The following ANKRD12 variants were observed in gnomAD, a reference collection of about 807,000 sequenced individuals.
ANKRD12 encodes ankyrin repeat domain 12, also known as ankyrin repeat domain-containing protein 12.
Under a neutral mutation model 183.4 loss-of-function variants are expected in ANKRD12, and 85 were observed. The observed-to-expected ratio is 0.46, with a 90% CI of 0.39 to 0.56. ANKRD12 has a LOEUF of 0.56. ANKRD12 is among the 20% of genes least tolerant of loss of function. The probability of loss-of-function intolerance (pLI) is 0.00; values close to 1 mark genes in which losing one functional copy is unlikely to be tolerated. For synonymous variants in ANKRD12, 914 were observed against 800.2 expected, an observed-to-expected ratio of 1.14 and a Z score of -2.40; for missense variants, 2,405 against 2,357.1, an observed-to-expected ratio of 1.02 and a Z score of -0.42.
chr18:9,267,766 A>C (rs1567998030), intron 10 of ANKRD12, among the ~76,000 whole-genome samples: 1 of 152,212 alleles, frequency 6.6e-6, no homozygotes, highest in African/African-American at 2.4e-5. Context: ...AGAAATAACT[A>C]AGATCAGAGC....
intron 6 of ANKRD12, 85 bp downstream of exon 6, chr18:9,211,869 C>T: frequency 8.3e-7 from 1 of 1,207,390 alleles, no homozygotes; most frequent in Non-Finnish European, 1.2e-6. Flanking sequence ...TTCTTTTATT[C>T]ATTTTGCTGA....
At chr18:9,139,627 G>C (rs1029672380) in intron 1 of ANKRD12, among the ~76,000 whole-genome samples, 1 of 152,162 alleles carries the variant, frequency 6.6e-6, no homozygotes, top group Non-Finnish European at 1.5e-5. Flanking sequence ...ACTTAGTTAT[G>C]TTAAAGTAAC....
chr18:9,215,084 A>G (rs1280438966), intron 6 of ANKRD12, among the ~76,000 whole-genome samples: 1 of 152,182 alleles, frequency 6.6e-6, no homozygotes, highest in African/African-American at 2.4e-5. Context: ...ATAGGCAGCA[A>G]ATAAATTCCC....
chr18:9,239,933 A>G (rs992774106), intron 8 of ANKRD12, among the ~76,000 whole-genome samples: 17 of 152,230 alleles, frequency 1.1e-4, no homozygotes, highest in African/African-American at 4.1e-4. Flanking sequence ...TGCTACTCAG[A>G]GTAGCCTTTC....
chr18:9,227,951 C>T (rs1162512352), intron 8 of ANKRD12, among the ~76,000 whole-genome samples: 4 of 152,124 alleles, frequency 2.6e-5, no homozygotes, highest in Admixed American at 2.6e-4. Flanking sequence ...CCCCACTCTC[C>T]CCCACCAATC....
At chr18:9,174,818 G>A (rs1391812703) in intron 1 of ANKRD12, among the ~76,000 whole-genome samples, 4 of 148,340 alleles carry the variant, frequency 2.7e-5, no homozygotes, top group African/African-American at 4.9e-5. Context: ...CCCCCTTCTT[G>A]TCTTACAGGT....
In ANKRD12 at chr18:9,195,617, A is replaced by T; in HGVS notation, c.154A>T (p.Met52Leu). 4 of 1,613,124 alleles carry T rather than the reference A, an allele frequency of 2.5e-6. No individual in the cohort carries two copies. Among genetic ancestry groups the T allele is most frequent in the Non-Finnish European group, 3.4e-6 (4 of 1,179,536 alleles). Residue 52 changes from methionine (M) to leucine (L), a missense_variant, in exon 3 of 13, where the codon ATG becomes TTG. Transcript: ENST00000262126. ...TGAACGAAGTGATGTGAGCAAGGAG[A>T]TGAAAGAGAAATCATCCATGAAACG... The part of the protein sequence containing the change: ...KIERSDVSKE[M>L]KEKSSMKRKL...
intron 1 of ANKRD12, among the ~76,000 whole-genome samples, chr18:9,176,276 A>T (rs1350445665): frequency 1.3e-5 from 2 of 149,136 alleles, no homozygotes; most frequent in Non-Finnish European, 3.0e-5. Context: ...ACACTGTTCT[A>T]TTTTTTTTTT....
At chr18:9,193,330 A>G (rs1156647816) in intron 2 of ANKRD12, among the ~76,000 whole-genome samples, 1 of 151,690 alleles carries the variant, frequency 6.6e-6, no homozygotes, top group Non-Finnish European at 1.5e-5. Flanking sequence ...TACAGAAACA[A>G]GGTCAGGGTC....
rs1321895928 is a variant in ANKRD12, at chr18:9,281,112, T to C, written c.6175T>C (p.Leu2059=). The C allele has an allele frequency of 1.2e-6, 2 of 1,613,990 alleles. No homozygotes were observed. The highest frequency in any genetic ancestry group is 2.2e-5 in the South Asian group (2 of 91,062). The change falls in exon 13 of 13, where the codon TTG becomes CTG. Residue 2059 remains leucine (L), a synonymous_variant. Coordinates refer to ENST00000262126, the MANE Select transcript of ANKRD12 (RefSeq NM_015208.5). ...PLVDVNDDFE[L]TPI Reference sequence around the variant, plus strand: ...TGTTGATGTTAACGACGACTTTGAATTGACTCCTATATAGCAGTCAGTACT... The same window carrying C: ...TGTTGATGTTAACGACGACTTTGAACTGACTCCTATATAGCAGTCAGTACT...
At chr18:9,160,609 C>T (rs2031272577) in intron 1 of ANKRD12, among the ~76,000 whole-genome samples, 1 of 152,192 alleles carries the variant, frequency 6.6e-6, no homozygotes, top group African/African-American at 2.4e-5. Context: ...TTTTATCACT[C>T]TACTCAGATA....
At position 9,256,661 on chromosome 18, in the gene ANKRD12, G is replaced by A. The variant is rs1320850785; in HGVS notation, c.3394G>A (p.Glu1132Lys). ...DKEKTKHTPT[E>K]SKNKELTRSK... is the part of the protein sequence containing the mutation. ...AGAAAAAACAAAGCATACACCAACT[G>A]AATCCAAAAATAAAGAACTTACTAG... The change falls in exon 9 of 13, where the codon GAA becomes AAA. Residue 1132 changes from glutamate to lysine, a missense_variant. By Grantham distance (56) the Glu-to-Lys change is moderately conservative. Coordinates refer to ENST00000262126, the MANE Select transcript of ANKRD12 (RefSeq NM_015208.5). 6.2e-7 allele frequency: 1 copy of A among 1,607,018 alleles called. No individual in the cohort carries two copies. Among genetic ancestry groups the A allele is most frequent in the Admixed American group, 1.7e-5 (1 of 58,308 alleles).
intron 4 of ANKRD12, 67 bp from the exon 5 acceptor site, chr18:9,208,590 C>G: frequency 1.4e-6 from 2 of 1,421,480 alleles, no homozygotes; most frequent in Non-Finnish European, 1.9e-6. Flanking sequence ...TCAAAAAATT[C>G]ATCTTAAACT....
intron 1 of ANKRD12, among the ~76,000 whole-genome samples, chr18:9,143,449 A>G (rs2078388429): frequency 6.6e-6 from 1 of 152,032 alleles, no homozygotes. Context: ...TCAGGAGTGA[A>G]GAGCATTCTT....
chr18:9,155,239 T>G (rs2030229905), intron 1 of ANKRD12, among the ~76,000 whole-genome samples: 1 of 152,190 alleles, frequency 6.6e-6, no homozygotes, highest in Admixed American at 6.5e-5. Context: ...GTGACTATAG[T>G]CAAAAATAAT....
chr18:9,161,840 G>A (rs1489572414), intron 1 of ANKRD12, among the ~76,000 whole-genome samples: 1 of 151,650 alleles, frequency 6.6e-6, no homozygotes, highest in Non-Finnish European at 1.5e-5. Context: ...GTTGCAGTGA[G>A]AACATTTACC....
intron 8 of ANKRD12, among the ~76,000 whole-genome samples, chr18:9,249,441 TGTG>T (rs1414671775): frequency 1.3e-5 from 2 of 152,232 alleles, no homozygotes; most frequent in Non-Finnish European, 2.9e-5. Context: ...TTGGGGATAT[TGTG>T]GTAAAAATAC....
chr18:9,279,675 A>T, intron 12 of ANKRD12, 31 bp downstream of exon 12: 1 of 1,252,622 alleles, frequency 8.0e-7, no homozygotes, highest in Non-Finnish European at 1.1e-6. Flanking sequence ...GTTTAAATGA[A>T]TGCTTCCCCC....
At chr18:9,183,001 A>G (rs760827436) in intron 2 of ANKRD12, among the ~76,000 whole-genome samples, 1 of 152,058 alleles carries the variant, frequency 6.6e-6, no homozygotes, top group Non-Finnish European at 1.5e-5. Flanking sequence ...TTTCTTACGG[A>G]AAGATGTCTG....
Sources: allele counts gnomAD v4.1 joint callset (sites outside exome capture counted in the v4.1 genomes callset), GRCh38; gene constraint gnomAD v4.1.1; transcripts MANE v1.5; gene names NCBI Gene and HGNC (gene_info 2026-07-23, HGNC 2026-07-21).